The following SENP7 variants were observed in gnomAD, a reference collection of about 807,000 sequenced individuals.
The protein encoded by SENP7 is SUMO specific peptidase 7, also known as sentrin-specific protease 7.
In SENP7, 64 loss-of-function variants were observed where a neutral mutation model predicts 141.2. That is an observed-to-expected ratio of 0.45 (90% confidence interval 0.37 to 0.56). The LOEUF is 0.56. Among genes scored for constraint, SENP7 ranks in the 20% least tolerant of loss-of-function variants. The probability of loss-of-function intolerance (pLI) is 0.00; values close to 1 mark genes in which losing one functional copy is unlikely to be tolerated. For missense variants in SENP7, 1,025 were observed against 1,212.2 expected (o/e 0.85, Z 2.29); for synonymous variants, 382 against 426.4 (o/e 0.90, Z 1.28).
chr3:101,384,135 C>A (rs539281571), intron 6 of SENP7, among the ~76,000 whole-genome samples: 50 of 152,332 alleles, frequency 3.3e-4, no homozygotes, highest in Non-Finnish European at 6.0e-4. Flanking sequence ...GATCACCTGC[C>A]TGCAAATAGG....
chr3:101,485,560 G>GA (rs2064694363), intron 3 of SENP7, among the ~76,000 whole-genome samples: 1 of 152,100 alleles, frequency 6.6e-6, no homozygotes, highest in Admixed American at 6.6e-5. Context: ...GGAAAAGGGG[G>GA]AGAGTACTAC....
At chr3:101,439,374 G>A (rs1322263304) in intron 4 of SENP7, among the ~76,000 whole-genome samples, 2 of 26,880 alleles carry the variant, frequency 7.4e-5, no homozygotes, top group African/African-American at 1.6e-4. Context: ...GTCTCCGCCG[G>A]GCAGCCACCC....
chr3:101,366,636 A>G lies in SENP7; in HGVS notation c.1112T>C (p.Leu371Pro), dbSNP rs1325568604. 2 of 1,613,976 alleles carry G rather than the reference A, an allele frequency of 1.2e-6. No individual in the cohort carries two copies. The highest frequency in any genetic ancestry group is 3.3e-5 in the Admixed American group (2 of 60,008). ...ACTCAAAGTCAACTCCTGACTGTTA[A>G]GTGAGGATAGTTTAGTAAAATCACT... is the stretch of plus-strand genomic sequence containing the variant. ...TKSDFTKLSS[L>P]NSQELTLSNA... is the part of the protein sequence containing the mutation. Residue 371 changes from leucine to proline, a missense_variant, in exon 9 of 24, where the codon CTT (leucine) becomes CCT (proline). By Grantham distance (98) the Leu-to-Pro change is moderately conservative (BLOSUM62 -3). Around this residue, in one of 4 missense-constraint regions of SENP7, gnomAD observed 496 missense variants for 503.5 expected, o/e 0.99. Coordinates refer to ENST00000394095, the MANE Select transcript of SENP7 (RefSeq NM_020654.5).
At chr3:101,404,919 C>T (rs1211877078) in intron 5 of SENP7, among the ~76,000 whole-genome samples, 1 of 152,286 alleles carries the variant, frequency 6.6e-6, no homozygotes, top group East Asian at 1.9e-4. Context: ...GAGAAGACAG[C>T]CATCTACAAG....
chr3:101,453,116 T>A (rs1221590155), intron 4 of SENP7, among the ~76,000 whole-genome samples: 1 of 152,054 alleles, frequency 6.6e-6, no homozygotes, highest in Non-Finnish European at 1.5e-5. Context: ...CATGAAAAAA[T>A]GCTCATCATC....
At chr3:101,414,283 G>T (rs1194991292) in intron 5 of SENP7, 1 of 709,406 alleles carries the variant, frequency 1.4e-6, no homozygotes, top group African/African-American at 1.7e-5. Flanking sequence ...TCTGGAGAGA[G>T]AGAACATCCG....
At chr3:101,465,199 A>G (rs890803213) in intron 3 of SENP7, among the ~76,000 whole-genome samples, 1 of 152,074 alleles carries the variant, frequency 6.6e-6, no homozygotes, top group African/African-American at 2.4e-5. Context: ...ACCTGTGCAC[A>G]TCATCCTCCA....
chr3:101,428,687 A>C (rs879382288), intron 4 of SENP7, among the ~76,000 whole-genome samples: 9 of 152,100 alleles, frequency 5.9e-5, no homozygotes, highest in Admixed American at 2.0e-4. Flanking sequence ...GCTGTGCAGA[A>C]GCTCTTTAAT....
intron 12 of SENP7, among the ~76,000 whole-genome samples, chr3:101,349,007 G>A (rs1559701101): frequency 6.6e-6 from 1 of 152,148 alleles, no homozygotes. Flanking sequence ...TGTGACATTA[G>A]TATCAGCAAC....
intron 4 of SENP7, among the ~76,000 whole-genome samples, chr3:101,451,281 A>T (rs1220799004): frequency 3.5e-4 from 53 of 152,252 alleles, no homozygotes. Context: ...GAATTCTACC[A>T]GAGGTACAAA....
At chr3:101,429,648 G>A (rs1179645600) in intron 4 of SENP7, among the ~76,000 whole-genome samples, 3 of 152,114 alleles carry the variant, frequency 2.0e-5, no homozygotes, top group Non-Finnish European at 2.9e-5. Context: ...GAGACAATTT[G>A]ACTTCCTCCC....
intron 4 of SENP7, among the ~76,000 whole-genome samples, chr3:101,447,260 C>A (rs1234562556): frequency 1.3e-5 from 2 of 151,998 alleles, no homozygotes; most frequent in Non-Finnish European, 2.9e-5. Flanking sequence ...ACCTGGGCAA[C>A]ACAATGAGAC....
intron 17 of SENP7, among the ~76,000 whole-genome samples, chr3:101,336,580 T>C (rs535173): frequency 0.47 from 71,841 of 151,984 alleles, 17,232 homozygotes; most frequent in South Asian, 0.53. Context: ...ACTGTCATGA[T>C]AGGAAAAACT....
intron 1 of SENP7, 68 bp from the exon 2 acceptor site, chr3:101,501,187 G>A (rs2065363901): frequency 2.8e-6 from 3 of 1,052,684 alleles, no homozygotes; most frequent in Non-Finnish European, 4.3e-6. Flanking sequence ...GTTTGACAAA[G>A]GAGATTCTTT....
rs1026395825 is a variant in SENP7, at chr3:101,358,094, G to A, written c.1623+3621C>T. 26 of 581,144 alleles carry A rather than the reference G, an allele frequency of 4.5e-5. No homozygotes were observed. In the African/African-American group the frequency reaches 4.9e-4, roughly 11 times the overall value. 36.0% of individuals were successfully genotyped at this position (581,144 alleles called of 1,614,324 possible). ...GATAATTCATAGAAACTCTACAAAT[G>A]TGAAGAATGTGGCAAAATTTTAACT... is the stretch of plus-strand genomic sequence containing the variant. On this transcript the variant is annotated intron_variant, in intron 11 of 23. Coordinates refer to ENST00000394095, the MANE Select transcript of SENP7 (RefSeq NM_020654.5).
At chr3:101,347,638 C>T (rs2059499423) in intron 13 of SENP7, 2 of 217,380 alleles carry the variant, frequency 9.2e-6, no homozygotes, top group African/African-American at 2.3e-5. Context: ...AGGAGAATGG[C>T]GTGAACCCGG....
At chr3:101,502,235 G>A (rs2065411445) in intron 1 of SENP7, among the ~76,000 whole-genome samples, 1 of 152,188 alleles carries the variant, frequency 6.6e-6, no homozygotes, top group South Asian at 2.1e-4. Context: ...TTGTTACCAG[G>A]TCAGCGTATT....
chr3:101,417,476 A>T (rs763941358), intron 5 of SENP7, 117 bp downstream of exon 5: 59 of 777,968 alleles, frequency 7.6e-5, no homozygotes, highest in South Asian at 6.6e-5. Context: ...AGAGTGTGGT[A>T]TGCCTATATA....
intron 4 of SENP7, among the ~76,000 whole-genome samples, chr3:101,422,880 C>T (rs2061832891): frequency 6.6e-6 from 1 of 151,916 alleles, no homozygotes; most frequent in Non-Finnish European, 1.5e-5. Context: ...CAGAAAACCT[C>T]AATTTTTTAA....
Sources: gnomAD v4.1 joint callset for allele counts (sites outside exome capture counted in the v4.1 genomes callset) on GRCh38, gnomAD v4.1.1 for gene constraint, gnomAD v4.1.1 regional missense constraint, MANE v1.5 for transcripts, NCBI Gene and HGNC (gene_info 2026-07-23, HGNC 2026-07-21) for gene names.